PKHD1: variants seen among roughly 807,000 people sequenced by gnomAD.
PKHD1 encodes PKHD1 ciliary IPT domain containing fibrocystin/polyductin.
A neutral mutation model predicts 412.0 loss-of-function variants in PKHD1; 291 were observed. The ratio of observed to expected loss-of-function variants is 0.71; its 90% CI spans 0.64 to 0.78. The LOEUF is 0.78. Ranked by LOEUF, PKHD1 falls within the 30% of genes least tolerant of loss-of-function variation. The probability of loss-of-function intolerance (pLI) is 0.00; values close to 1 mark genes in which losing one functional copy is unlikely to be tolerated. For missense variants in PKHD1, 4,825 were observed against 4,950.7 expected (o/e 0.97, Z 0.76); for synonymous variants, 1,777 against 1,821.5 (o/e 0.98, Z 0.62).
chr6:51,921,066 A>T (rs969286593), intron 37 of PKHD1, among the ~76,000 whole-genome samples: 1 of 152,092 alleles, frequency 6.6e-6, no homozygotes, highest in Non-Finnish European at 1.5e-5. Flanking sequence ...ATCTTTTCAA[A>T]AAACCAGCTC....
intron 52 of PKHD1, among the ~76,000 whole-genome samples, chr6:51,822,392 T>G (rs562862926): frequency 3.1e-4 from 47 of 152,172 alleles, no homozygotes; most frequent in South Asian, 8.3e-4. Context: ...ACCACCTCCA[T>G]CATCGTGGTA....
At chr6:51,630,082 CA>C (rs1767743900) in intron 65 of PKHD1, among the ~76,000 whole-genome samples, 1 of 151,990 alleles carries the variant, frequency 6.6e-6, no homozygotes, top group Non-Finnish European at 1.5e-5. Flanking sequence ...TCAAAATGAC[CA>C]AAGCATAATG....
At chr6:52,076,140 G>A (rs1305358906) in intron 6 of PKHD1, 136 bp downstream of exon 6, 5 of 709,686 alleles carry the variant, frequency 7.0e-6, no homozygotes, top group Admixed American at 6.2e-5. Flanking sequence ...ATGAACCAGA[G>A]GTTGACTCTT....
At chr6:51,813,166 A>T (rs1562369456) in intron 52 of PKHD1, among the ~76,000 whole-genome samples, 1 of 152,162 alleles carries the variant, frequency 6.6e-6, no homozygotes, top group East Asian at 1.9e-4. Flanking sequence ...TGGTCCTCAT[A>T]TTCAGCTCAA....
intron 51 of PKHD1, among the ~76,000 whole-genome samples, chr6:51,832,983 T>C (rs1280595887): frequency 6.6e-6 from 1 of 152,148 alleles, no homozygotes; most frequent in African/African-American, 2.4e-5. Context: ...TTTCATAAAC[T>C]CCAATACTGT....
In PKHD1 at chr6:51,811,088, C is replaced by T. The variant is rs9367459; in HGVS notation, c.8303-19715G>A. ...TGCCACCTTTATCTAATTATATAAT[C>T]AATCCTATAGCCTTAAGAATGAATT... is the stretch of plus-strand genomic sequence containing the variant. On this transcript the variant is annotated intron_variant, in intron 52 of 66. Transcript: ENST00000371117. Among the ~76,000 whole-genome samples, 82 of 152,244 alleles carry T rather than the reference C, an allele frequency of 5.4e-4. 1 individual carries two copies. The East Asian group carries it at 0.015, about 28-fold the overall frequency.
chr6:52,019,643 T>C (rs1434175184), intron 33 of PKHD1, among the ~76,000 whole-genome samples: 1 of 152,224 alleles, frequency 6.6e-6, no homozygotes, highest in Admixed American at 6.5e-5. Context: ...GTTCTGCCAC[T>C]AAATAGCTGC....
At chr6:51,855,402 T>A (rs1044713347) in intron 49 of PKHD1, among the ~76,000 whole-genome samples, 2 of 152,218 alleles carry the variant, frequency 1.3e-5, no homozygotes, top group Non-Finnish European at 2.9e-5. Flanking sequence ...CTGCTCTTAT[T>A]TGTCTCCCTT....
chr6:51,770,826 T>C (rs897857607), intron 55 of PKHD1, among the ~76,000 whole-genome samples: 4 of 152,082 alleles, frequency 2.6e-5, no homozygotes, highest in African/African-American at 9.7e-5. Context: ...TCATATTTGC[T>C]AAGCTATTAT....
intron 55 of PKHD1, among the ~76,000 whole-genome samples, chr6:51,766,655 CCTT>C (rs1229636426): frequency 7.1e-6 from 1 of 140,992 alleles, no homozygotes; most frequent in Non-Finnish European, 1.6e-5. Context: ...AAATATTAGT[CCTT>C]CATCTGTACT....
chr6:51,644,194 T>A (rs955165603), intron 63 of PKHD1, among the ~76,000 whole-genome samples: 5 of 152,132 alleles, frequency 3.3e-5, no homozygotes, highest in African/African-American at 1.2e-4. Context: ...CTAAATTAAA[T>A]GGTGACATTA....
intron 52 of PKHD1, among the ~76,000 whole-genome samples, chr6:51,807,361 C>T (rs970842382): frequency 6.7e-6 from 1 of 148,744 alleles, no homozygotes; most frequent in Non-Finnish European, 1.5e-5. Flanking sequence ...TTACTTGAAC[C>T]CGGGAGGCAG....
At position 51,618,310 on chromosome 6, in the gene PKHD1, C is replaced by T. The variant is rs2150235989; in HGVS notation, c.*771G>A. The T allele has an allele frequency of 6.6e-6, 1 of 152,210 alleles. No homozygotes were observed. 9.4% of individuals were successfully genotyped at this position (152,210 alleles called of 1,614,324 possible). ...AGTTCTTTTCCAGTTGTAAATGTGACCCAGCTACTAACAGAGAGAATCACT... is the reference window on the plus strand; with the variant it reads ...AGTTCTTTTCCAGTTGTAAATGTGATCCAGCTACTAACAGAGAGAATCACT... On this transcript the variant is annotated 3_prime_UTR_variant, in exon 67 of 67. Transcript: ENST00000371117.
At chr6:51,848,759 G>A (rs990954115) in intron 49 of PKHD1, among the ~76,000 whole-genome samples, 2 of 152,230 alleles carry the variant, frequency 1.3e-5, no homozygotes, top group African/African-American at 4.8e-5. Context: ...GTCTCCCTAA[G>A]ATAGGCTCTC....
intron 55 of PKHD1, among the ~76,000 whole-genome samples, chr6:51,760,546 ACAGT>A (rs926997356): frequency 3.3e-5 from 5 of 152,128 alleles, no homozygotes; most frequent in African/African-American, 1.2e-4. Context: ...AGGAAGTTAT[ACAGT>A]CAAGGAGGAG....
At chr6:51,839,744 A>G (rs960678880) in intron 50 of PKHD1, among the ~76,000 whole-genome samples, 8 of 152,132 alleles carry the variant, frequency 5.3e-5, no homozygotes, top group Non-Finnish European at 1.0e-4. Flanking sequence ...TTAGTAGGTT[A>G]TAGACTCCTT....
chr6:51,726,041 CA>C (rs987204783), intron 60 of PKHD1, among the ~76,000 whole-genome samples: 6 of 152,198 alleles, frequency 3.9e-5, no homozygotes, highest in Admixed American at 3.9e-4. Context: ...GCTTCCTCTG[CA>C]AAATTAATTG....
chr6:52,080,082 T>C, intron 4 of PKHD1, 74 bp from the exon 5 acceptor site: 1 of 851,638 alleles, frequency 1.2e-6, no homozygotes, highest in Non-Finnish European at 2.0e-6. Context: ...ACTTGCCACT[T>C]CAAATTTCCT....
At chr6:51,896,299 G>T (rs1779979801) in intron 43 of PKHD1, among the ~76,000 whole-genome samples, 1 of 151,862 alleles carries the variant, frequency 6.6e-6, no homozygotes, top group Non-Finnish European at 1.5e-5. Context: ...GGTTCTCCCA[G>T]CACGCAGCTG....
Sources: gnomAD v4.1 joint callset for allele counts (sites outside exome capture counted in the v4.1 genomes callset) on GRCh38, gnomAD v4.1.1 for gene constraint, MANE v1.5 for transcripts, NCBI Gene and HGNC (gene_info 2026-07-23, HGNC 2026-07-21) for gene names.